SPATA13: variants seen among roughly 807,000 people sequenced by gnomAD.
SPATA13 encodes spermatogenesis associated 13.
SPATA13 carries 50 observed loss-of-function variants against 104.0 expected under a neutral mutation model. The observed-to-expected ratio is 0.48, with a 90% confidence interval of 0.38 to 0.61. SPATA13 has a LOEUF of 0.61. SPATA13 is among the 20% of genes least tolerant of loss of function. The pLI, the probability that SPATA13 is intolerant of heterozygous loss-of-function variation, is 0.00. For missense variants in SPATA13, 1,524 were observed against 1,690.6 expected, an observed-to-expected ratio of 0.90 and a Z score of 1.73; for synonymous variants, 606 against 667.5, an observed-to-expected ratio of 0.91 and a Z score of 1.42.
At chr13:24,106,671 G>A (rs7336773) in intron 3 of SPATA13, among the ~76,000 whole-genome samples, 72,779 of 152,006 alleles carry the variant, frequency 0.48, 17,909 homozygotes, top group Non-Finnish European at 0.53. Context: ...TTCTGGGGCC[G>A]ACAGAGCTGG....
chr13:24,281,624 G>T (rs1417745583), intron 4 of SPATA13, among the ~76,000 whole-genome samples: 4 of 151,984 alleles, frequency 2.6e-5, no homozygotes, highest in Non-Finnish European at 4.4e-5. Flanking sequence ...GGTGATGGTG[G>T]CTGGGATGTC....
chr13:24,206,554 A>G (rs1218612867), intron 1 of SPATA13, among the ~76,000 whole-genome samples: 4 of 152,184 alleles, frequency 2.6e-5, no homozygotes, highest in Non-Finnish European at 4.4e-5. Context: ...CAACAATCCC[A>G]TTACTGGGTA....
intron 1 of SPATA13, among the ~76,000 whole-genome samples, chr13:24,182,137 T>C (rs1451306251): frequency 6.6e-6 from 1 of 152,178 alleles, no homozygotes; most frequent in East Asian, 1.9e-4. Context: ...GATCCTTGCA[T>C]GGGGAAAGAG....
At chr13:24,194,896 A>C (rs1433648136) in intron 1 of SPATA13, among the ~76,000 whole-genome samples, 2 of 152,254 alleles carry the variant, frequency 1.3e-5, no homozygotes, top group African/African-American at 4.8e-5. Context: ...GAATCTTGTA[A>C]GGATGAATTA....
intron 3 of SPATA13, among the ~76,000 whole-genome samples, chr13:24,149,222 G>T (rs1341791992): frequency 6.6e-6 from 1 of 152,192 alleles, no homozygotes. Context: ...TATCTCATTA[G>T]TGAGTCCTGA....
At chr13:24,041,655 A>G (rs1566082747) in intron 3 of SPATA13, among the ~76,000 whole-genome samples, 1 of 152,218 alleles carries the variant, frequency 6.6e-6, no homozygotes, top group African/African-American at 2.4e-5. Context: ...GAAAATATCT[A>G]TCAGAAAGTA....
chr13:24,089,795 G>A (rs1879855140), intron 3 of SPATA13, among the ~76,000 whole-genome samples: 1 of 152,202 alleles, frequency 6.6e-6, no homozygotes, highest in Non-Finnish European at 1.5e-5. Flanking sequence ...CAACAGAAAT[G>A]TGTTTCTTGT....
At chr13:24,211,475 T>C (rs1327106486) in intron 1 of SPATA13, among the ~76,000 whole-genome samples, 1 of 150,310 alleles carries the variant, frequency 6.7e-6, no homozygotes, top group Non-Finnish European at 1.5e-5. Context: ...CTGTTGAATT[T>C]TGTCAAAGGC....
intron 3 of SPATA13, among the ~76,000 whole-genome samples, chr13:24,019,306 T>C (rs1876867243): frequency 1.3e-5 from 2 of 151,916 alleles, no homozygotes; most frequent in Non-Finnish European, 2.9e-5. Context: ...GCCGGGATGG[T>C]CTCGATCTCC....
chr13:24,286,530 A>G lies in SPATA13; in HGVS notation c.2481+137A>G. The G allele has an allele frequency of 9.4e-7, 1 of 1,067,258 alleles. No individual in the cohort carries two copies. The highest frequency in any genetic ancestry group is 1.3e-6 in the Non-Finnish European group (1 of 752,266). 66.1% of individuals were successfully genotyped at this position (1,067,258 alleles called of 1,614,324 possible). A position where few individuals can be genotyped will look rare whatever the true frequency, so the allele number is the denominator to read the frequency against. On this transcript the variant is annotated intron_variant, in intron 6 of 12. Coordinates refer to ENST00000382108, the MANE Select transcript of SPATA13 (RefSeq NM_001166271.3). This position sits in a 1 kb window ranked among gnomAD's most constrained non-coding sequence, Gnocchi z 4.9. ...ATGCAAGTCACACCTGTAAGAAATT[A>G]GGCTGGGTCGGAGCAAAAATGTTAA...
intron 3 of SPATA13, among the ~76,000 whole-genome samples, chr13:24,025,587 C>T (rs575268022): frequency 8.5e-5 from 13 of 152,308 alleles, no homozygotes; most frequent in African/African-American, 3.1e-4. Flanking sequence ...AAAACAGTGG[C>T]ATATACAACT....
intron 3 of SPATA13, among the ~76,000 whole-genome samples, chr13:24,089,487 G>T (rs191388478): frequency 2.0e-5 from 3 of 152,232 alleles, no homozygotes; most frequent in South Asian, 2.1e-4. Context: ...CAGTTCTCCC[G>T]GTTCTGTATC....
At chr13:24,191,425 G>A (rs1482228489) in intron 1 of SPATA13, among the ~76,000 whole-genome samples, 2 of 149,948 alleles carry the variant, frequency 1.3e-5, no homozygotes, top group Non-Finnish European at 3.0e-5. Flanking sequence ...TTGTTTTATT[G>A]CTGTGGTCTG....
intron 3 of SPATA13, among the ~76,000 whole-genome samples, chr13:24,076,809 G>A (rs940178576): frequency 6.6e-6 from 1 of 151,756 alleles, no homozygotes; most frequent in Non-Finnish European, 1.5e-5. Flanking sequence ...CAAGCAGAAG[G>A]CAGTCCCAGG....
At position 24,296,338 on chromosome 13, in the gene SPATA13, C is replaced by A. The variant is rs929780559; in HGVS notation, c.3211-1025C>A. Among the ~76,000 whole-genome samples the A allele has an allele frequency of 4.1e-4, 62 of 152,236 alleles. 1 individual carries two copies. The highest frequency in any genetic ancestry group is 1.2e-3 in the African/African-American group (48 of 41,542). ...TGCCTCCAAAAAATATTGTGTGTGA[C>A]TGGGATTAAGGGAGAATCAAATCTT... On this transcript the variant is annotated intron_variant, in intron 10 of 12. Coordinates refer to ENST00000382108, the MANE Select transcript of SPATA13 (RefSeq NM_001166271.3).
chr13:24,249,189 C>T (rs961444398), intron 2 of SPATA13, among the ~76,000 whole-genome samples: 1 of 152,120 alleles, frequency 6.6e-6, no homozygotes, highest in Non-Finnish European at 1.5e-5. Context: ...TTTCTTAATG[C>T]CTTTTATCAT....
At chr13:24,056,236 A>G (rs139832091) in intron 3 of SPATA13, among the ~76,000 whole-genome samples, 1 of 152,240 alleles carries the variant, frequency 6.6e-6, no homozygotes, top group African/African-American at 2.4e-5. Context: ...GGAATAGAAC[A>G]AAGTGTCCAG....
intron 11 of SPATA13, among the ~76,000 whole-genome samples, chr13:24,298,019 T>G (rs996972987): frequency 6.6e-6 from 1 of 152,214 alleles, no homozygotes; most frequent in African/African-American, 2.4e-5. Context: ...TATGAAGTGG[T>G]TGCTGTTATT....
intron 2 of SPATA13, among the ~76,000 whole-genome samples, chr13:23,993,454 C>T (rs191666031): frequency 1.8e-4 from 28 of 152,338 alleles, no homozygotes; most frequent in African/African-American, 3.8e-4. Context: ...TGCACATTTA[C>T]GGCAATAAGG....
Sources: gnomAD v4.1 joint callset for allele counts (sites outside exome capture counted in the v4.1 genomes callset) on GRCh38, gnomAD v4.1.1 for gene constraint, Gnocchi (gnomAD v3.1) non-coding constraint, MANE v1.5 for transcripts, NCBI Gene and HGNC (gene_info 2026-07-23, HGNC 2026-07-21) for gene names.